Variants in PCK2 observed in about 807,000 individuals in gnomAD.
PCK2 encodes phosphoenolpyruvate carboxykinase 2, mitochondrial, also known as phosphoenolpyruvate carboxykinase [GTP], mitochondrial.
In PCK2, 56 loss-of-function variants were observed where a neutral mutation model predicts 65.9. The ratio of observed to expected loss-of-function variants is 0.85; its 90% CI spans 0.69 to 1.06. The LOEUF (loss-of-function observed/expected upper bound fraction) is 1.06, where lower values mean the gene tolerates loss of function less well. PCK2 is among the 50% of genes least tolerant of loss of function. The pLI, the probability that PCK2 is intolerant of heterozygous loss-of-function variation, is 0.00. For synonymous variants in PCK2, 305 were observed against 319.6 expected (o/e 0.95, Z 0.49); for missense variants, 843 against 863.1 (o/e 0.98, Z 0.29).
At position 24,103,148 on chromosome 14, in the gene PCK2, T is replaced by A. The variant is rs376532057; in HGVS notation, c.1373-12T>A. 6.2e-7 allele frequency: 1 copy of A among 1,602,854 alleles called. No homozygotes were observed. The highest frequency in any genetic ancestry group is 1.1e-5 in the South Asian group (1 of 90,770). ...AAAGGGCTGCCTGTGACTCTGTTCA[T>A]TGGTGATCTAGGGGTACCCCTGGTA... is the stretch of plus-strand genomic sequence containing the variant. On this transcript the variant is annotated splice_polypyrimidine_tract_variant and intron_variant, in intron 8 of 9. Coordinates refer to ENST00000216780, the MANE Select transcript of PCK2 (RefSeq NM_004563.4).
rs766254546 is a variant in PCK2 at position 24,103,844 on chromosome 14, C to T, written c.1803C>T (p.Asp601=). 6.2e-7 allele frequency: 1 copy of T among 1,614,148 alleles called. No homozygotes were observed. The highest frequency in any genetic ancestry group is 1.1e-5 in the South Asian group (1 of 91,086). The change falls in exon 10 of 10, where the codon GAC becomes GAT. Residue 601 remains aspartate, a synonymous_variant. Coordinates refer to ENST00000216780, the MANE Select transcript of PCK2 (RefSeq NM_004563.4). The part of the protein sequence containing the change: ...DTTQLFSLPK[D]FWEQEVRDIR... ...CTCAGCTGTTCTCCCTCCCCAAGGA[C>T]TTCTGGGAACAGGAGGTTCGTGACA...
rs1041810998 is a variant in PCK2 at position 24,103,582 on chromosome 14, A to G, written c.1541A>G (p.His514Arg). ...FGYNFGHYLEHWLSMEGRKGA... is the reference protein window; with the variant it reads ...FGYNFGHYLERWLSMEGRKGA... ...TACAACTTCGGGCACTACCTGGAACACTGGCTGAGCATGGAAGGGCGCAAG... is the reference window on the plus strand; with the variant it reads ...TACAACTTCGGGCACTACCTGGAACGCTGGCTGAGCATGGAAGGGCGCAAG... Residue 514 changes from histidine (H) to arginine (R), a missense_variant, in exon 10 of 10, where the codon CAC (histidine) becomes CGC (arginine). Coordinates refer to ENST00000216780, the MANE Select transcript of PCK2 (RefSeq NM_004563.4). The G allele has an allele frequency of 2.5e-6, 4 of 1,602,810 alleles. No homozygotes were observed. Among genetic ancestry groups the G allele is most frequent in the Non-Finnish European group, 3.4e-6 (4 of 1,173,004 alleles).
rs542065340 is a variant in PCK2 at position 24,099,591 on chromosome 14, C to T, written c.886C>T (p.Arg296Cys). The change falls in exon 6 of 10, where the codon CGC becomes TGC. Residue 296 changes from arginine to cysteine, a missense_variant. Transcript: ENST00000216780. Reference protein sequence around the residue: ...LGITSPAGKKRYVAAAFPSAC... With the variant: ...LGITSPAGKKCYVAAAFPSAC... Reference sequence around the variant, plus strand: ...CATCACCAGCCCTGCAGGGAAGAAGCGCTATGTGGCAGCCGCCTTCCCTAG... The same window carrying T: ...CATCACCAGCCCTGCAGGGAAGAAGTGCTATGTGGCAGCCGCCTTCCCTAG... 10 of 1,608,670 alleles carry T rather than the reference C, an allele frequency of 6.2e-6. No homozygotes were observed. Among genetic ancestry groups the T allele is most frequent in the Middle Eastern group, 3.3e-4 (2 of 6,044 alleles).
rs747219827 is a variant in PCK2 at position 24,099,225 on chromosome 14, G to C, written c.841G>C (p.Glu281Gln). 35 of 1,595,286 alleles carry C rather than the reference G, an allele frequency of 2.2e-5. No individual in the cohort carries two copies. The highest frequency in any genetic ancestry group is 3.0e-5 in the Non-Finnish European group (35 of 1,174,316). ...GGCCCGGGATGAGGGCTGGCTGGCAGAGCACATGCTGGTGAGGGCCTGGTG... is the reference window on the plus strand; with the variant it reads ...GGCCCGGGATGAGGGCTGGCTGGCACAGCACATGCTGGTGAGGGCCTGGTG... ...RLARDEGWLAEHMLILGITSP... is the reference protein window; with the variant it reads ...RLARDEGWLAQHMLILGITSP... The change falls in exon 5 of 10, where the codon GAG becomes CAG. Residue 281 changes from glutamate to glutamine, a missense_variant. Transcript: ENST00000216780.
chr14:24,104,072 C>A lies in PCK2; in HGVS notation c.*108C>A. 1.4e-6 allele frequency: 1 copy of A among 708,290 alleles called. No homozygotes were observed. The highest frequency in any genetic ancestry group is 2.5e-6 in the Non-Finnish European group (1 of 407,046). 43.9% of individuals were successfully genotyped at this position (708,290 alleles called of 1,614,324 possible). On this transcript the variant is annotated 3_prime_UTR_variant, in exon 10 of 10. Coordinates refer to ENST00000216780, the MANE Select transcript of PCK2 (RefSeq NM_004563.4). ...GATATTAACTAACATCTTCAATGTG[C>A]CATAGACCTTCCCACAAAGACTGTC... is the stretch of plus-strand genomic sequence containing the variant.
intron 7 of PCK2, among the ~76,000 whole-genome samples, chr14:24,100,932 G>A (rs1204541772): frequency 6.6e-6 from 1 of 152,164 alleles, no homozygotes; most frequent in African/African-American, 2.4e-5. Context: ...TGGACCTTCA[G>A]TATTCTTTCC....
At chr14:24,095,319 CTG>C (rs2036820045) in intron 1 of PCK2, 1 of 437,052 alleles carries the variant, frequency 2.3e-6, no homozygotes, top group Non-Finnish European at 4.6e-6. Flanking sequence ...GTCCTCAAGA[CTG>C]TGTGCTTGAA....
Position 24,097,034 on chromosome 14 carries a change from G to A in PCK2, c.172G>A (p.Glu58Lys). ...VEHSARLCQP[E>K]GIHICDGTEA... ...GCACAGTGCCCGCCTGTGCCAACCAGAGGGCATCCACATCTGTGATGGAAC... is the reference window on the plus strand; with the variant it reads ...GCACAGTGCCCGCCTGTGCCAACCAAAGGGCATCCACATCTGTGATGGAAC... Residue 58 changes from glutamate to lysine, a missense_variant, in exon 2 of 10, where the codon GAG becomes AAG. Physicochemically the swap from Glu to Lys is moderately conservative, Grantham distance 56. Transcript: ENST00000216780. 1 of 1,613,462 alleles carries A rather than the reference G, an allele frequency of 6.2e-7. No homozygotes were observed. Among genetic ancestry groups the A allele is most frequent in the Non-Finnish European group, 8.5e-7 (1 of 1,179,894 alleles).
chr14:24,095,439 G>A (rs980140186), intron 1 of PCK2: 4 of 348,262 alleles, frequency 1.1e-5, no homozygotes, highest in Non-Finnish European at 2.3e-5. Context: ...CTGCTTTAGC[G>A]GAAACCACCC....
rs1231822843 is a variant in PCK2 at position 24,094,557 on chromosome 14, A to C, written c.29+123A>C. 6.9e-7 allele frequency: 1 copy of C among 1,441,076 alleles called. No individual in the cohort carries two copies. The highest frequency in any genetic ancestry group is 9.1e-7 in the Non-Finnish European group (1 of 1,101,766). 89.3% of individuals were successfully genotyped at this position (1,441,076 alleles called of 1,614,324 possible). On this transcript the variant is annotated intron_variant, in intron 1 of 9. Transcript: ENST00000216780. The surrounding 1 kb of genome is among the most constrained non-coding windows in gnomAD (Gnocchi z 4.1). ...TTTCCCATCCTAGGCGGAGGCGGGC[A>C]GGGGCGACTGCTGTGGGTCCAGCCT...
At position 24,103,698 on chromosome 14, in the gene PCK2, C is replaced by T. The variant is rs374328821; in HGVS notation, c.1657C>T (p.Arg553Trp). The stretch of plus-strand genomic sequence containing the variant: ...GTGGCCAGGCTTTGGGGAGAATGCT[C>T]GGGTGCTAGACTGGATCTGCCGGCG... ...FLWPGFGENA[R>W]VLDWICRRLE... is the part of the protein sequence containing the mutation. Residue 553 changes from arginine to tryptophan, a missense_variant, in exon 10 of 10, where the codon CGG (arginine) becomes TGG (tryptophan). By Grantham distance (101) the Arg-to-Trp change is moderately radical. Transcript: ENST00000216780. The T allele has an allele frequency of 3.7e-6, 6 of 1,614,040 alleles. No individual in the cohort carries two copies. Among genetic ancestry groups the T allele is most frequent in the African/African-American group, 1.3e-5 (1 of 74,924 alleles).
At position 24,100,169 on chromosome 14, in the gene PCK2, C is replaced by T; in HGVS notation, c.1190C>T (p.Pro397Leu). 1 of 1,614,110 alleles carries T rather than the reference C, an allele frequency of 6.2e-7. No individual in the cohort carries two copies. The highest frequency in any genetic ancestry group is 2.2e-5 in the East Asian group (1 of 44,886). ...GAGGGCATTGACCAGCCTCTTCCAC[C>T]TGGTGTTACTGTGACCTCCTGGCTG... Reference protein sequence around the residue: ...YWEGIDQPLPPGVTVTSWLGK... With the variant: ...YWEGIDQPLPLGVTVTSWLGK... Residue 397 changes from proline (P) to leucine (L), a missense_variant, in exon 7 of 10, where the codon CCT becomes CTT. Transcript: ENST00000216780.
upstream of PCK2, chr14:24,094,196 G>A: frequency 3.6e-6 from 2 of 563,168 alleles, no homozygotes; most frequent in Non-Finnish European, 6.1e-6. The surrounding 1 kb of genome is among the most constrained non-coding windows in gnomAD (Gnocchi z 4.1). Context: ...CTGGAGCCCC[G>A]GGGCCGAGGG....
intron 2 of PCK2, 31 bp from the exon 3 acceptor site, chr14:24,098,172 A>C: frequency 6.4e-7 from 1 of 1,563,270 alleles, no homozygotes; most frequent in Non-Finnish European, 8.7e-7. Flanking sequence ...CCTGCTGGCC[A>C]CCATCTTCCT....
chr14:24,103,885 C>CA lies in PCK2; in HGVS notation c.1845dup (p.Glu616ArgfsTer14). ...GTTCGTGACATTCGGAGCTACCTGA[C>CA]AGAGCAGGTCAACCAGGATCTGCCC... On this transcript the variant is annotated frameshift_variant, in exon 10 of 10. Transcript: ENST00000216780. LOFTEE classifies it high-confidence loss of function. 1.2e-6 allele frequency: 2 copies of CA among 1,614,114 alleles called. No homozygotes were observed. Among genetic ancestry groups the CA allele is most frequent in the Non-Finnish European group, 1.7e-6 (2 of 1,180,000 alleles).
At position 24,103,144 on chromosome 14, in the gene PCK2, T is replaced by G. The variant is rs1566581252; in HGVS notation, c.1373-16T>G. ...AAGAAAAGGGCTGCCTGTGACTCTG[T>G]TCATTGGTGATCTAGGGGTACCCCT... On this transcript the variant is annotated splice_polypyrimidine_tract_variant and intron_variant, in intron 8 of 9. Transcript: ENST00000216780. The G allele has an allele frequency of 6.3e-7, 1 of 1,597,952 alleles. No individual in the cohort carries two copies. The highest frequency in any genetic ancestry group is 1.3e-5 in the African/African-American group (1 of 74,558).
chr14:24,094,536 C>A lies in PCK2; in HGVS notation c.29+102C>A. ...CTGCTCTCAGCCTCCGCCAGGTTTC[C>A]CATCCTAGGCGGAGGCGGGCAGGGG... On this transcript the variant is annotated intron_variant, in intron 1 of 9. Transcript: ENST00000216780. This position sits in a 1 kb window ranked among gnomAD's most constrained non-coding sequence, Gnocchi z 4.1. The A allele has an allele frequency of 1.4e-6, 2 of 1,441,044 alleles. No individual in the cohort carries two copies. The highest frequency in any genetic ancestry group is 1.8e-6 in the Non-Finnish European group (2 of 1,102,158). The allele number at this position is 1,441,044 out of a possible 1,614,324, so 89.3% of individuals were successfully genotyped here.
intron 1 of PCK2, among the ~76,000 whole-genome samples, chr14:24,096,024 CTG>C (rs1239549216): frequency 1.3e-5 from 2 of 152,166 alleles, no homozygotes; most frequent in Admixed American, 1.3e-4. Flanking sequence ...ACTGGAAAGA[CTG>C]TGACCTTTGC....
chr14:24,096,732 T>C (rs1397882894), intron 1 of PCK2, among the ~76,000 whole-genome samples, 160 bp from the exon 2 acceptor site: 1 of 152,130 alleles, frequency 6.6e-6, no homozygotes, highest in African/African-American at 2.4e-5. Context: ...GATACATGTG[T>C]CCTGAACACA....
Sources: gnomAD v4.1 joint callset for allele counts (sites outside exome capture counted in the v4.1 genomes callset) on GRCh38, gnomAD v4.1.1 for gene constraint, Gnocchi (gnomAD v3.1) non-coding constraint, MANE v1.5 for transcripts, NCBI Gene and HGNC (gene_info 2026-07-23, HGNC 2026-07-21) for gene names.